Variants in GALNT14 observed in about 807,000 individuals in gnomAD.
The protein encoded by GALNT14 is polypeptide N-acetylgalactosaminyltransferase 14, also known as UDP-GalNAc:polypeptide N-acetylgalactosaminyltransferase 14.
Under a neutral mutation model 77.5 loss-of-function variants are expected in GALNT14, and 60 were observed. The observed-to-expected ratio is 0.77, with a 90% CI of 0.63 to 0.96. The LOEUF (loss-of-function observed/expected upper bound fraction) is 0.96, where lower values mean the gene tolerates loss of function less well. Among genes scored for constraint, GALNT14 ranks in the 40% least tolerant of loss-of-function variants. The pLI is 0.00. For missense variants in GALNT14, 710 were observed against 731.0 expected (o/e 0.97, Z 0.33); for synonymous variants, 280 against 281.7 (o/e 0.99, Z 0.06).
intron 11 of GALNT14, among the ~76,000 whole-genome samples, chr2:30,928,022 T>C (rs1665494465): frequency 6.6e-6 from 1 of 151,988 alleles, no homozygotes; most frequent in Non-Finnish European, 1.5e-5. Context: ...TGAGCTCAGT[T>C]TTTAAAAGAG....
chr2:30,890,918 C>G, the GALNT14 span, among the ~76,000 whole-genome samples: 2 of 152,204 alleles, frequency 1.3e-5, no homozygotes, highest in East Asian at 1.9e-4. Flanking sequence ...GGACATGAGG[C>G]CTGGCAAGGG....
intron 6 of GALNT14, among the ~76,000 whole-genome samples, chr2:30,947,015 T>C (rs1261865595): frequency 2.0e-5 from 3 of 152,002 alleles, no homozygotes; most frequent in Non-Finnish European, 2.9e-5. Context: ...CTGTCTTCCC[T>C]CCCCGCAGCA....
chr2:31,138,399 C>CGCCGCCGCT lies in GALNT14; in HGVS notation c.-314_-313insAGCGGCGGC. On this transcript the variant is annotated 5_prime_UTR_variant, in exon 1 of 15. Transcript: ENST00000349752. The stretch of plus-strand genomic sequence containing the variant: ...CCCACGCCGCCACCGCGGCTGCCGC[C>CGCCGCCGCT]GCCGCCGCCGCCGCCTTGCCCGCTG... 1 of 356,600 alleles carries CGCCGCCGCT rather than the reference C, an allele frequency of 2.8e-6. No individual in the cohort carries two copies. Among genetic ancestry groups the CGCCGCCGCT allele is most frequent in the South Asian group, 3.3e-5 (1 of 29,938 alleles). 22.1% of individuals were successfully genotyped at this position (356,600 alleles called of 1,614,324 possible).
chr2:31,122,442 A>G (rs1056509691), intron 1 of GALNT14, among the ~76,000 whole-genome samples: 7 of 152,238 alleles, frequency 4.6e-5, no homozygotes, highest in African/African-American at 1.7e-4. Flanking sequence ...CACTGAATGT[A>G]GAGCTGGTCT....
At chr2:31,035,553 A>ATGTGTGTG (rs573163116) in intron 1 of GALNT14, among the ~76,000 whole-genome samples, 5,007 of 129,360 alleles carry the variant, frequency 0.039, 154 homozygotes, top group African/African-American at 0.054. Flanking sequence ...GATAAAGAAA[A>ATGTGTGTG]TGTGTGTGTG....
chr2:31,118,540 A>G (rs968726296), intron 1 of GALNT14, among the ~76,000 whole-genome samples: 2 of 152,182 alleles, frequency 1.3e-5, no homozygotes, highest in Non-Finnish European at 2.9e-5. Context: ...AAAAACTAAT[A>G]AAAACTCAAA....
intron 1 of GALNT14, among the ~76,000 whole-genome samples, chr2:31,087,565 A>C (rs1010926320): frequency 2.4e-5 from 2 of 81,866 alleles, no homozygotes; most frequent in Non-Finnish European, 5.7e-5. Context: ...CTTAGAAACA[A>C]CACCACTGAC....
At chr2:31,113,217 T>C (rs992970288) in intron 1 of GALNT14, among the ~76,000 whole-genome samples, 1 of 152,196 alleles carries the variant, frequency 6.6e-6, no homozygotes, top group South Asian at 2.1e-4. Context: ...CCCCTGCTGA[T>C]AGCTAGTGGT....
At chr2:31,119,258 T>C (rs904357103) in intron 1 of GALNT14, among the ~76,000 whole-genome samples, 7 of 152,176 alleles carry the variant, frequency 4.6e-5, no homozygotes, top group Admixed American at 4.6e-4. Flanking sequence ...TGGCAATATA[T>C]ACCATAAAGT....
At chr2:31,063,910 C>G (rs1009300251) in intron 1 of GALNT14, among the ~76,000 whole-genome samples, 4 of 152,166 alleles carry the variant, frequency 2.6e-5, no homozygotes, top group African/African-American at 7.2e-5. Flanking sequence ...AATTGCATTT[C>G]TCCCTGGTAG....
the GALNT14 span, among the ~76,000 whole-genome samples, chr2:30,892,278 C>T: frequency 6.6e-6 from 1 of 152,102 alleles, no homozygotes; most frequent in East Asian, 1.9e-4. Context: ...AAGATGCCAT[C>T]TAACAATCAA....
chr2:31,124,655 C>CT (rs1173621804), intron 1 of GALNT14, among the ~76,000 whole-genome samples: 1 of 152,204 alleles, frequency 6.6e-6, no homozygotes, highest in African/African-American at 2.4e-5. Context: ...GGGTCTCCCT[C>CT]TATTGCCCAG....
At chr2:30,956,027 G>C (rs143721304) in intron 4 of GALNT14, 50 bp from the exon 5 acceptor site, 2 of 1,585,818 alleles carry the variant, frequency 1.3e-6, no homozygotes, top group Non-Finnish European at 8.7e-7. Context: ...ATGGACCTAC[G>C]TGTTACAATT....
At chr2:31,079,609 T>C (rs1240769928) in intron 1 of GALNT14, among the ~76,000 whole-genome samples, 1 of 152,208 alleles carries the variant, frequency 6.6e-6, no homozygotes, top group Non-Finnish European at 1.5e-5. Flanking sequence ...CAGACCTCCC[T>C]GTAAGTTGCC....
rs78126947 is a variant in GALNT14, at chr2:31,070,102, C to A, written c.129+67856G>T. Among the ~76,000 whole-genome samples, 504 of 152,262 alleles carry A rather than the reference C, an allele frequency of 3.3e-3. 1 individual carries two copies. Among genetic ancestry groups the A allele is most frequent in the South Asian group, 8.3e-3 (40 of 4,814 alleles). On this transcript the variant is annotated intron_variant, in intron 1 of 14. Coordinates refer to ENST00000349752, the MANE Select transcript of GALNT14 (RefSeq NM_024572.4). ...GAAAAGAGAAGAAGCCAGAAGCCAC[C>A]ACTGGAGTGATGTCCCAGGAAGCTC...
chr2:31,021,226 C>A (rs1671694384), intron 1 of GALNT14, among the ~76,000 whole-genome samples: 1 of 152,168 alleles, frequency 6.6e-6, no homozygotes, highest in Non-Finnish European at 1.5e-5. Context: ...TAGAAGGCAA[C>A]TTTGGAGGAA....
chr2:31,091,833 G>C (rs1676757532), intron 1 of GALNT14, among the ~76,000 whole-genome samples: 1 of 152,116 alleles, frequency 6.6e-6, no homozygotes, highest in East Asian at 1.9e-4. Context: ...TTGTTCCTGG[G>C]TGTGTCTGTG....
intron 1 of GALNT14, among the ~76,000 whole-genome samples, chr2:31,040,692 C>T (rs1427274268): frequency 6.6e-6 from 1 of 152,198 alleles, no homozygotes; most frequent in Non-Finnish European, 1.5e-5. Flanking sequence ...ATAAGAATCC[C>T]TGAGGCTTTT....
rs1379181021 is a variant in GALNT14 at position 30,912,252 on chromosome 2, C to A, written c.1471G>T (p.Val491Phe). The A allele has an allele frequency of 6.2e-7, 1 of 1,614,050 alleles. No individual in the cohort carries two copies. The highest frequency in any genetic ancestry group is 1.3e-5 in the African/African-American group (1 of 74,928). ...TLFPGAPVVL[V>F]LCKNGDDRQQ... ...CGGTCATCTCCATTCTTGCAAAGGA[C>A]AAGAACCACTGGGGCGCCAGGGAAC... Residue 491 changes from valine (V) to phenylalanine (F), a missense_variant, in exon 14 of 15, where the codon GTC (valine) becomes TTC (phenylalanine). Coordinates refer to ENST00000349752, the MANE Select transcript of GALNT14 (RefSeq NM_024572.4).
Sources: allele counts gnomAD v4.1 joint callset (sites outside exome capture counted in the v4.1 genomes callset), GRCh38; gene constraint gnomAD v4.1.1; transcripts MANE v1.5; gene names NCBI Gene and HGNC (gene_info 2026-07-23, HGNC 2026-07-21).